Variants in TAFA1 observed in about 807,000 individuals in gnomAD.
The protein encoded by TAFA1 is TAFA chemokine like family member 1.
In TAFA1, 4 loss-of-function variants were observed where a neutral mutation model predicts 18.5. The observed-to-expected ratio is 0.22, with a 90% CI of 0.11 to 0.49. TAFA1 has a LOEUF of 0.49. Among genes scored for constraint, TAFA1 ranks in the 20% least tolerant of loss-of-function variants. TAFA1 has a pLI of 0.98. For synonymous variants in TAFA1, 56 were observed against 55.2 expected (o/e 1.01, Z -0.06); for missense variants, 147 against 169.0 (o/e 0.87, Z 0.72).
At chr3:68,039,209 G>A (rs1379668325) in intron 2 of TAFA1, among the ~76,000 whole-genome samples, 2 of 152,020 alleles carry the variant, frequency 1.3e-5, no homozygotes. Context: ...TTCTATTGTT[G>A]AAATCTTAGA....
chr3:68,186,370 C>T (rs959567310), intron 2 of TAFA1, among the ~76,000 whole-genome samples: 6 of 152,116 alleles, frequency 3.9e-5, no homozygotes, highest in South Asian at 2.1e-4. Context: ...AAAATGCCTC[C>T]GAGTTCCCAA....
At chr3:68,260,071 G>A (rs2067383350) in intron 2 of TAFA1, among the ~76,000 whole-genome samples, 1 of 152,146 alleles carries the variant, frequency 6.6e-6, no homozygotes, top group Non-Finnish European at 1.5e-5. Flanking sequence ...GTTGGCTGTG[G>A]GTTTGTCATA....
chr3:68,059,261 C>T (rs2064572710), intron 2 of TAFA1, among the ~76,000 whole-genome samples: 1 of 151,948 alleles, frequency 6.6e-6, no homozygotes, highest in African/African-American at 2.4e-5. Context: ...ACTAATCACA[C>T]ACACGCATGC....
At chr3:68,402,387 TG>T (rs1211716641) in intron 2 of TAFA1, among the ~76,000 whole-genome samples, 1 of 152,164 alleles carries the variant, frequency 6.6e-6, no homozygotes, top group Non-Finnish European at 1.5e-5. Flanking sequence ...ATCACATCCG[TG>T]CAGCCAGAGA....
intron 3 of TAFA1, among the ~76,000 whole-genome samples, chr3:68,426,990 A>ATAGC (rs2071068611): frequency 6.6e-6 from 1 of 151,900 alleles, no homozygotes; most frequent in Non-Finnish European, 1.5e-5. Flanking sequence ...GCCCATCTAT[A>ATAGC]TAGCCACTTA....
At chr3:68,057,884 GC>G (rs1216518731) in intron 2 of TAFA1, among the ~76,000 whole-genome samples, 1 of 152,138 alleles carries the variant, frequency 6.6e-6, no homozygotes, top group Non-Finnish European at 1.5e-5. Flanking sequence ...GCTAGAGAAG[GC>G]AAACAATGGA....
rs182307658 is a variant in TAFA1 at position 68,428,139 on chromosome 3, G to C, written c.259+10719G>C. Among the ~76,000 whole-genome samples the C allele has an allele frequency of 2.8e-3, 420 of 152,014 alleles. 1 individual carries two copies. Among genetic ancestry groups the C allele is most frequent in the African/African-American group, 9.5e-3 (394 of 41,510 alleles). On this transcript the variant is annotated intron_variant, in intron 3 of 4. Coordinates refer to ENST00000478136, the MANE Select transcript of TAFA1 (RefSeq NM_213609.4). ...TAAGGTATTCAGATTTAAAATTGAA[G>C]AATGAGTATTTTCCTGTTACCCATA...
At chr3:68,476,363 A>G (rs2072097056) in intron 3 of TAFA1, among the ~76,000 whole-genome samples, 1 of 152,206 alleles carries the variant, frequency 6.6e-6, no homozygotes, top group African/African-American at 2.4e-5. Flanking sequence ...AGTGCTCGGG[A>G]CCTGTCCTGT....
At chr3:68,286,541 G>A (rs191880089) in intron 2 of TAFA1, among the ~76,000 whole-genome samples, 16 of 152,226 alleles carry the variant, frequency 1.1e-4, no homozygotes, top group South Asian at 4.2e-4. Context: ...TAGAGACCCC[G>A]GAGGATGCAA....
At chr3:68,355,844 T>C (rs1439281989) in intron 2 of TAFA1, among the ~76,000 whole-genome samples, 3 of 152,014 alleles carry the variant, frequency 2.0e-5, no homozygotes, top group Non-Finnish European at 4.4e-5. Flanking sequence ...ACTTATGGTG[T>C]TCAGGCAAAG....
In TAFA1 at chr3:68,208,518, G is replaced by C. The variant is rs559565386; in HGVS notation, c.118+201774G>C. Among the ~76,000 whole-genome samples, 3 of 152,026 alleles carry C rather than the reference G, an allele frequency of 2.0e-5. No homozygotes were observed. In the East Asian group the frequency reaches 5.9e-4, roughly 30 times the overall value. ...GGCTTATGTCACCAATCAGGACAAG[G>C]CTACTCAATCTGGCTTCTTCCATTA... On this transcript the variant is annotated intron_variant, in intron 2 of 4. Coordinates refer to ENST00000478136, the MANE Select transcript of TAFA1 (RefSeq NM_213609.4).
chr3:68,065,641 A>G (rs2064664630), intron 2 of TAFA1, among the ~76,000 whole-genome samples: 1 of 152,062 alleles, frequency 6.6e-6, no homozygotes, highest in South Asian at 2.1e-4. Flanking sequence ...GTGGAGACAT[A>G]GATGAATTTG....
chr3:68,081,974 G>C (rs1237815138), intron 2 of TAFA1, among the ~76,000 whole-genome samples: 1 of 152,204 alleles, frequency 6.6e-6, no homozygotes, highest in Non-Finnish European at 1.5e-5. Flanking sequence ...GACTCCATGG[G>C]CGTAGGACCC....
intron 3 of TAFA1, among the ~76,000 whole-genome samples, chr3:68,493,337 A>G (rs2072487608): frequency 6.6e-6 from 1 of 152,164 alleles, no homozygotes; most frequent in Non-Finnish European, 1.5e-5. Flanking sequence ...TTTTAAAGCT[A>G]AATAATATTT....
At chr3:68,406,341 T>G (rs2070608570) in intron 2 of TAFA1, among the ~76,000 whole-genome samples, 1 of 152,192 alleles carries the variant, frequency 6.6e-6, no homozygotes, top group South Asian at 2.1e-4. Flanking sequence ...TCAATGGTCT[T>G]GGTTTAAGAA....
At chr3:68,293,302 G>T (rs890090805) in intron 2 of TAFA1, among the ~76,000 whole-genome samples, 1 of 152,144 alleles carries the variant, frequency 6.6e-6, no homozygotes, top group South Asian at 2.1e-4. Flanking sequence ...TCTAGATGAT[G>T]GGTTGATAGG....
chr3:68,472,523 C>CACAG (rs557784908), intron 3 of TAFA1, among the ~76,000 whole-genome samples: 138 of 152,050 alleles, frequency 9.1e-4, no homozygotes, highest in African/African-American at 3.3e-3. Context: ...CACACACACA[C>CACAG]ACACACACAC....
intron 2 of TAFA1, among the ~76,000 whole-genome samples, chr3:68,077,702 G>T (rs2064844809): frequency 6.6e-6 from 1 of 151,916 alleles, no homozygotes. Context: ...TGCTGTTTTG[G>T]TTACTGTAGC....
chr3:68,269,209 T>C (rs1416127688), intron 2 of TAFA1, among the ~76,000 whole-genome samples: 2 of 152,160 alleles, frequency 1.3e-5, no homozygotes, highest in Non-Finnish European at 2.9e-5. Flanking sequence ...ATCCCAGTGC[T>C]TTGGGAGGCC....
Sources: gnomAD v4.1 joint callset for allele counts (sites outside exome capture counted in the v4.1 genomes callset) on GRCh38, gnomAD v4.1.1 for gene constraint, MANE v1.5 for transcripts, NCBI Gene and HGNC (gene_info 2026-07-23, HGNC 2026-07-21) for gene names.